LRBA: variants seen among roughly 807,000 people sequenced by gnomAD.
The protein encoded by LRBA is LPS responsive beige-like anchor protein, also known as lipopolysaccharide-responsive and beige-like anchor protein.
Under a neutral mutation model 330.0 loss-of-function variants are expected in LRBA, and 176 were observed. The ratio of observed to expected loss-of-function variants is 0.53; its 90% CI spans 0.47 to 0.60. The LOEUF (loss-of-function observed/expected upper bound fraction) is 0.60, where lower values mean the gene tolerates loss of function less well. Among genes scored for constraint, LRBA ranks in the 20% least tolerant of loss-of-function variants. The pLI is 0.00. For missense variants in LRBA, 3,259 were observed against 3,444.8 expected (o/e 0.95, Z 1.35); for synonymous variants, 1,230 against 1,193.0 (o/e 1.03, Z -0.64).
At position 150,702,181 on chromosome 4, in the gene LRBA, C is replaced by T. The variant is rs191080599; in HGVS notation, c.5755-18464G>A. On this transcript the variant is annotated intron_variant, in intron 36 of 56. Transcript: ENST00000651943. ...AAGAAAAAATAGTATTATAAGATTT[C>T]GTTTGCACTGTATTTTAACCACTAA... Among the ~76,000 whole-genome samples, 49 of 152,186 alleles carry T rather than the reference C, an allele frequency of 3.2e-4. No homozygotes were observed. The Middle Eastern group carries it at 0.014, about 42-fold the overall frequency.
At chr4:150,961,395 G>A (rs1738132450) in intron 2 of LRBA, among the ~76,000 whole-genome samples, 1 of 149,206 alleles carries the variant, frequency 6.7e-6, no homozygotes, top group South Asian at 2.1e-4. Flanking sequence ...AATACTGCAA[G>A]GCATCATGAT....
chr4:150,862,894 G>A (rs1293781214), intron 22 of LRBA, among the ~76,000 whole-genome samples: 3 of 151,748 alleles, frequency 2.0e-5, no homozygotes, highest in African/African-American at 4.8e-5. Flanking sequence ...CAGGAGAATC[G>A]CTTGAACCCA....
At chr4:150,856,106 C>T (rs1486190128) in intron 22 of LRBA, among the ~76,000 whole-genome samples, 1 of 152,168 alleles carries the variant, frequency 6.6e-6, no homozygotes, top group Non-Finnish European at 1.5e-5. Flanking sequence ...CATGGTGAAC[C>T]TCTACCCTAA....
intron 2 of LRBA, among the ~76,000 whole-genome samples, chr4:150,983,079 C>T (rs1009785261): frequency 6.6e-6 from 1 of 151,142 alleles, no homozygotes; most frequent in Non-Finnish European, 1.5e-5. Flanking sequence ...GACCCTGTCT[C>T]AAAGAAAAAA....
chr4:150,540,936 T>A (rs1024749650), intron 40 of LRBA, among the ~76,000 whole-genome samples: 6 of 152,314 alleles, frequency 3.9e-5, no homozygotes, highest in Admixed American at 3.9e-4. Flanking sequence ...TTTATAATGC[T>A]AATATAGAGC....
intron 2 of LRBA, among the ~76,000 whole-genome samples, chr4:150,930,840 T>C (rs1234362813): frequency 6.6e-6 from 1 of 152,226 alleles, no homozygotes; most frequent in Non-Finnish European, 1.5e-5. Context: ...TGTTAGGAGA[T>C]GACAGCTGGG....
At chr4:150,350,294 G>T (rs542017234) in intron 47 of LRBA, 135 bp from the exon 48 acceptor site, 6 of 672,722 alleles carry the variant, frequency 8.9e-6, no homozygotes, top group South Asian at 2.4e-5. Flanking sequence ...ACTTGTGGCC[G>T]GGCGCAGTGG....
intron 40 of LRBA, among the ~76,000 whole-genome samples, chr4:150,526,571 A>G (rs1350902588): frequency 1.3e-5 from 2 of 152,168 alleles, no homozygotes; most frequent in Non-Finnish European, 2.9e-5. Flanking sequence ...CCTCCTATTT[A>G]AACTTTTTAT....
intron 47 of LRBA, among the ~76,000 whole-genome samples, chr4:150,357,368 A>G (rs551703628): frequency 6.6e-6 from 1 of 152,148 alleles, no homozygotes; most frequent in South Asian, 2.1e-4. Context: ...TTTGAAATTC[A>G]TAGTTTTAAT....
intron 48 of LRBA, among the ~76,000 whole-genome samples, chr4:150,348,171 T>A (rs1174955984): frequency 4.6e-5 from 7 of 152,148 alleles, no homozygotes; most frequent in Admixed American, 4.6e-4. Flanking sequence ...GGTGTGTAAG[T>A]GGGGACAGTG....
chr4:150,952,867 C>A (rs2149547160), intron 2 of LRBA, among the ~76,000 whole-genome samples: 1 of 152,268 alleles, frequency 6.6e-6, no homozygotes, highest in South Asian at 2.1e-4. Context: ...ATGCATTCAT[C>A]TTTATATCTC....
intron 40 of LRBA, among the ~76,000 whole-genome samples, chr4:150,530,655 T>A (rs1418613062): frequency 6.6e-6 from 1 of 152,042 alleles, no homozygotes; most frequent in African/African-American, 2.4e-5. Context: ...CTTTCCCTGT[T>A]CCATTTTCCC....
intron 2 of LRBA, among the ~76,000 whole-genome samples, chr4:151,001,989 C>T (rs1743400358): frequency 6.6e-6 from 1 of 151,888 alleles, no homozygotes; most frequent in Admixed American, 6.6e-5. Flanking sequence ...ACGCCACTGA[C>T]ACTGTTTATA....
chr4:150,916,630 G>A lies in LRBA; in HGVS notation c.754C>T (p.Pro252Ser). Reference sequence around the variant, plus strand: ...AGAAATACATACCAATACAAATATGGTTTATCCTTATCTACATTGATGTTA... The same window carrying A: ...AGAAATACATACCAATACAAATATGATTTATCCTTATCTACATTGATGTTA... ...VNNINVDKDK[P>S]YLYCFRTSKG... is the part of the protein sequence containing the mutation. Residue 252 changes from proline to serine, a missense_variant, in exon 6 of 57, where the codon CCA becomes TCA. Transcript: ENST00000651943. 6.3e-7 allele frequency: 1 copy of A among 1,597,298 alleles called. No individual in the cohort carries two copies. The highest frequency in any genetic ancestry group is 1.8e-5 in the Admixed American group (1 of 56,868).
intron 40 of LRBA, among the ~76,000 whole-genome samples, chr4:150,503,959 A>G (rs1169753874): frequency 6.6e-6 from 1 of 152,252 alleles, no homozygotes; most frequent in Non-Finnish European, 1.5e-5. Flanking sequence ...AAGCCTCAGT[A>G]GCCGATGCGA....
intron 47 of LRBA, among the ~76,000 whole-genome samples, chr4:150,413,903 C>T (rs1747363416): frequency 6.6e-6 from 1 of 152,060 alleles, no homozygotes; most frequent in Non-Finnish European, 1.5e-5. Context: ...AGACACCTGC[C>T]GCATTTAAAG....
chr4:150,777,439 T>C (rs1295724625), intron 34 of LRBA, among the ~76,000 whole-genome samples: 1 of 152,186 alleles, frequency 6.6e-6, no homozygotes, highest in African/African-American at 2.4e-5. Context: ...TTCCTTATTA[T>C]AAAAATATAA....
intron 44 of LRBA, among the ~76,000 whole-genome samples, chr4:150,453,072 T>C (rs767923531): frequency 6.6e-6 from 1 of 152,180 alleles, no homozygotes. Flanking sequence ...GAAAAGACAC[T>C]ATACTAAGGA....
At chr4:150,628,977 A>G (rs1338161625) in intron 37 of LRBA, among the ~76,000 whole-genome samples, 1 of 152,194 alleles carries the variant, frequency 6.6e-6, no homozygotes, top group African/African-American at 2.4e-5. Context: ...AGCTCAGTGT[A>G]GCCTCAAACT....
Sources: gnomAD v4.1 joint callset for allele counts (sites outside exome capture counted in the v4.1 genomes callset) on GRCh38, gnomAD v4.1.1 for gene constraint, MANE v1.5 for transcripts, NCBI Gene and HGNC (gene_info 2026-07-23, HGNC 2026-07-21) for gene names.